Variants in DMD observed in about 807,000 individuals in gnomAD.
DMD encodes dystrophin, also known as mutant dystrophin.
A neutral mutation model predicts 330.1 loss-of-function variants in DMD; 63 were observed. The ratio of observed to expected loss-of-function variants is 0.19; its 90% CI spans 0.16 to 0.24. The LOEUF (loss-of-function observed/expected upper bound fraction) is 0.24. Ranked by LOEUF, DMD falls within the 10% of genes least tolerant of loss-of-function variation. DMD has a pLI of 1.00. For synonymous variants in DMD, 1,223 were observed against 959.8 expected (o/e 1.27, Z -5.07); for missense variants, 3,344 against 2,684.1 (o/e 1.25, Z -5.43).
intron 2 of DMD, among the ~76,000 whole-genome samples, chrX:32,877,340 C>T (rs1029470208): frequency 2.7e-5 from 3 of 112,090 alleles, no homozygotes; most frequent in South Asian, 3.7e-4. Context: ...TATTTTGTTC[C>T]GGAAAAATGT....
chrX:31,397,657 A>G (rs1195884091), intron 60 of DMD, among the ~76,000 whole-genome samples: 1 of 112,542 alleles, frequency 8.9e-6, no homozygotes, highest in African/African-American at 3.2e-5. Context: ...GGAAATAGCT[A>G]TCTGCAACGA....
At chrX:31,139,028 C>A (rs1408693755) in intron 76 of DMD, among the ~76,000 whole-genome samples, 1 of 112,362 alleles carries the variant, frequency 8.9e-6, no homozygotes, top group Non-Finnish European at 1.9e-5. Context: ...CAGCCCTTAT[C>A]CCTACTTCAC....
intron 74 of DMD, among the ~76,000 whole-genome samples, chrX:31,148,143 A>G (rs1190908335): frequency 8.9e-6 from 1 of 111,811 alleles, no homozygotes. Context: ...TTTCATGCCC[A>G]GTGTTACCAT....
chrX:33,278,898 T>C (rs991017123), intron 1 of DMD, among the ~76,000 whole-genome samples: 7 of 111,543 alleles, frequency 6.3e-5, no homozygotes, highest in Admixed American at 9.6e-5. Context: ...GCACCCAGCA[T>C]TGGCACACCA....
chrX:31,378,901 A>T (rs2060017978), intron 60 of DMD, among the ~76,000 whole-genome samples: 1 of 111,220 alleles, frequency 9.0e-6, no homozygotes, highest in African/African-American at 3.3e-5. Flanking sequence ...TGACCCCAGT[A>T]CAAACTTGAC....
Position 32,472,209 on chromosome X carries a change from A to G in DMD, c.2904T>C (p.Ser968=). 1 of 1,211,310 alleles carries G rather than the reference A, an allele frequency of 8.3e-7. No individual in the cohort carries two copies. The highest frequency in any genetic ancestry group is 1.1e-6 in the Non-Finnish European group (1 of 895,107). ...SETKLSIPQL[S]VTDYEIMEQR... ...GCTCCATGATTTCATAGTCGGTGAC[A>G]CTAAGTTGAGGTATGGAGAGTTTGG... The change falls in exon 22 of 79, where the codon AGT becomes AGC. Residue 968 remains serine, a synonymous_variant. Transcript: ENST00000357033.
chrX:31,918,588 T>G (rs1053190605), intron 47 of DMD, among the ~76,000 whole-genome samples: 4 of 111,357 alleles, frequency 3.6e-5, no homozygotes, highest in Non-Finnish European at 7.5e-5. Flanking sequence ...CATTCTAGTT[T>G]CAGCATAAAG....
intron 2 of DMD, among the ~76,000 whole-genome samples, chrX:33,012,479 A>G (rs190133638): frequency 1.2e-3 from 139 of 112,192 alleles, no homozygotes; most frequent in African/African-American, 4.1e-3. Context: ...ATATCACTTT[A>G]GATAACTCTA....
intron 44 of DMD, among the ~76,000 whole-genome samples, chrX:32,020,545 T>C (rs2095799550): frequency 9.0e-6 from 1 of 111,363 alleles, no homozygotes; most frequent in Non-Finnish European, 1.9e-5. Flanking sequence ...AATGTCCTCA[T>C]AAAAGGAAGA....
chrX:32,858,088 T>C (rs1322822079), intron 2 of DMD, among the ~76,000 whole-genome samples: 5 of 110,951 alleles, frequency 4.5e-5, no homozygotes, highest in South Asian at 3.9e-4. Context: ...AGTATCACAA[T>C]TGAAATCCAA....
intron 27 of DMD, among the ~76,000 whole-genome samples, chrX:32,444,116 T>A (rs992517238): frequency 9.1e-6 from 1 of 110,144 alleles, no homozygotes; most frequent in Non-Finnish European, 1.9e-5. Flanking sequence ...AGATGGGAAA[T>A]GAGGCAAGCC....
At chrX:33,015,473 G>A (rs1321179364) in intron 2 of DMD, among the ~76,000 whole-genome samples, 7 of 110,564 alleles carry the variant, frequency 6.3e-5, no homozygotes, top group African/African-American at 2.3e-4. Context: ...GAGAACACAC[G>A]GACACATAGA....
At chrX:32,406,791 A>T (rs1409987403) in intron 30 of DMD, among the ~76,000 whole-genome samples, 1 of 111,524 alleles carries the variant, frequency 9.0e-6, no homozygotes. Flanking sequence ...AGATCAATGG[A>T]ACAGAACAAA....
chrX:32,730,858 A>G, intron 7 of DMD, among the ~76,000 whole-genome samples: 1 of 112,100 alleles, frequency 8.9e-6, no homozygotes, highest in East Asian at 2.8e-4. Flanking sequence ...TACCAGTGGG[A>G]AAATTAAAAC....
At chrX:32,438,157 T>C in intron 29 of DMD, 84 bp downstream of exon 29, 1 of 1,014,934 alleles carries the variant, frequency 9.9e-7, no homozygotes, top group Non-Finnish European at 1.4e-6. Flanking sequence ...ATATTTAAAC[T>C]ATTGCTCATT....
At chrX:31,946,781 G>A (rs953500544) in intron 45 of DMD, among the ~76,000 whole-genome samples, 5 of 109,160 alleles carry the variant, frequency 4.6e-5, no homozygotes, top group South Asian at 3.9e-4. Flanking sequence ...GTATGTTTAC[G>A]AAAACTGAAG....
At chrX:32,219,135 A>C (rs1049586988) in intron 43 of DMD, among the ~76,000 whole-genome samples, 1 of 112,166 alleles carries the variant, frequency 8.9e-6, no homozygotes, top group Admixed American at 9.5e-5. Flanking sequence ...AAAAATAAGA[A>C]TGTTGCCTTT....
At chrX:31,301,135 C>A (rs1603330660) in intron 62 of DMD, among the ~76,000 whole-genome samples, 1 of 111,449 alleles carries the variant, frequency 9.0e-6, no homozygotes, top group Non-Finnish European at 1.9e-5. Context: ...GAGTCCCAAC[C>A]TTTTGCAAGC....
At chrX:31,380,925 C>G (rs2060147636) in intron 60 of DMD, among the ~76,000 whole-genome samples, 1 of 110,882 alleles carries the variant, frequency 9.0e-6, no homozygotes, top group African/African-American at 3.3e-5. Flanking sequence ...TCACCTGTTA[C>G]CTATCTCGGC....
Sources: allele counts gnomAD v4.1 joint callset (sites outside exome capture counted in the v4.1 genomes callset), GRCh38; gene constraint gnomAD v4.1.1; transcripts MANE v1.5; gene names NCBI Gene and HGNC (gene_info 2026-07-23, HGNC 2026-07-21).